MCFD2: variants seen among roughly 807,000 people sequenced by gnomAD.
The protein encoded by MCFD2 is multiple coagulation factor deficiency protein 2.
Under a neutral mutation model 12.8 loss-of-function variants are expected in MCFD2, and 11 were observed. The ratio of observed to expected loss-of-function variants is 0.86; its 90% CI spans 0.54 to 1.42. The LOEUF (loss-of-function observed/expected upper bound fraction) is 1.42, where lower values mean the gene tolerates loss of function less well. MCFD2 is among the 40% of genes most tolerant of loss of function. The pLI, the probability that MCFD2 is intolerant of heterozygous loss-of-function variation, is 0.00. For missense variants in MCFD2, 191 were observed against 178.6 expected (o/e 1.07, Z -0.40); for synonymous variants, 70 against 68.1 (o/e 1.03, Z -0.14).
In MCFD2 at chr2:46,921,963, G is replaced by A. The variant is rs1426581753; in HGVS notation, c.-7-13994C>T. ...TGTGCAGCTGACCCACACTAGTTGG[G>A]GGGTGAGGGCCCCTGTAAGAAATAA... On this transcript the variant is annotated intron_variant, in intron 1 of 2. Coordinates refer to the MCFD2 transcript ENST00000409147. Among the ~76,000 whole-genome samples the A allele has an allele frequency of 3.3e-5, 5 of 152,314 alleles. No individual in the cohort carries two copies. In the Middle Eastern group the frequency reaches 0.01, roughly 311 times the overall value.
chr2:46,938,773 G>T (rs2103868018), intron 1 of MCFD2, among the ~76,000 whole-genome samples: 2 of 152,268 alleles, frequency 1.3e-5, no homozygotes, highest in Middle Eastern at 3.4e-3. Flanking sequence ...CAGCACTTTG[G>T]GAGGCCAAGG....
chr2:46,913,297 C>G (rs1414417921), intron 1 of MCFD2, among the ~76,000 whole-genome samples: 1 of 152,100 alleles, frequency 6.6e-6, no homozygotes, highest in Non-Finnish European at 1.5e-5. Flanking sequence ...CCTGTAATCT[C>G]AATACTTTGA....
intron 3 of MCFD2, 32 bp from the exon 4 acceptor site, chr2:46,905,626 G>A (rs1177436668): frequency 3.7e-6 from 6 of 1,600,644 alleles, no homozygotes; most frequent in Admixed American, 3.4e-5. Context: ...ATGATGAGTT[G>A]CGCATTTTAC....
At chr2:46,917,229 A>C (rs1348089574), upstream of MCFD2, 2 of 701,112 alleles carry the variant, frequency 2.9e-6, no homozygotes, top group Admixed American at 4.0e-5. Flanking sequence ...TCCTGGGTTC[A>C]AGCAATCCTC....
chr2:46,916,747 A>C (rs185014694), upstream of MCFD2, among the ~76,000 whole-genome samples: 27 of 151,974 alleles, frequency 1.8e-4, 1 homozygote, highest in African/African-American at 6.0e-4. Flanking sequence ...CTCTTCTCCT[A>C]CCTCAGCCTC....
In MCFD2 at chr2:46,940,979, A is replaced by G. The variant is rs1670281651; in HGVS notation, c.-8+593T>C. Reference sequence around the variant, plus strand: ...CCGATGGGATGGGGAGGGGGCGGGAAGCGAGGCGCCCCCGGGCGCCGGGGC... The same window carrying G: ...CCGATGGGATGGGGAGGGGGCGGGAGGCGAGGCGCCCCCGGGCGCCGGGGC... On this transcript the variant is annotated intron_variant, in intron 1 of 2. Coordinates refer to the MCFD2 transcript ENST00000409147. The surrounding 1 kb of genome is among the most constrained non-coding windows in gnomAD (Gnocchi z 4.7). Among the ~76,000 whole-genome samples, 1 of 151,934 alleles carries G rather than the reference A, an allele frequency of 6.6e-6. No homozygotes were observed. The highest frequency in any genetic ancestry group is 6.5e-5 in the Admixed American group (1 of 15,274).
At chr2:46,927,074 A>C (rs969140435) in intron 1 of MCFD2, among the ~76,000 whole-genome samples, 4 of 152,206 alleles carry the variant, frequency 2.6e-5, no homozygotes, top group South Asian at 2.1e-4. Flanking sequence ...GAGAGACAAA[A>C]AGATAGAAAA....
chr2:46,931,692 T>TAATA (rs10524721), intron 1 of MCFD2, among the ~76,000 whole-genome samples: 14,784 of 148,518 alleles, frequency 0.1, 1,094 homozygotes, highest in African/African-American at 0.21. Flanking sequence ...AAACAGACAA[T>TAATA]AATAAATAAA....
rs1572609514 is a variant in MCFD2 at position 46,907,792 on chromosome 2, A to G, written c.309+18T>C. On this transcript the variant is annotated intron_variant, in intron 3 of 3. Transcript: ENST00000319466. This position sits in a 1 kb window ranked among gnomAD's most constrained non-coding sequence, Gnocchi z 4.1. Reference sequence around the variant, plus strand: ...AGCCTTTCTGTGATACAGTCCCCCAAGCCACTGCCAGACCTACCTCCTTAT... The same window carrying G: ...AGCCTTTCTGTGATACAGTCCCCCAGGCCACTGCCAGACCTACCTCCTTAT... 1 of 1,613,782 alleles carries G rather than the reference A, an allele frequency of 6.2e-7. No individual in the cohort carries two copies. Among genetic ancestry groups the G allele is most frequent in the East Asian group, 2.2e-5 (1 of 44,888 alleles).
chr2:46,908,451 A>G lies in MCFD2; in HGVS notation c.150-482T>C, dbSNP rs1239158065. 1 of 269,652 alleles carries G rather than the reference A, an allele frequency of 3.7e-6. No homozygotes were observed. Among genetic ancestry groups the G allele is most frequent in the Non-Finnish European group, 7.2e-6 (1 of 139,110 alleles). The allele number at this position is 269,652 out of a possible 1,614,324, so 16.7% of individuals were successfully genotyped here. The stretch of plus-strand genomic sequence containing the variant: ...AATTTTTTGCAATTTTTTAGTAGAG[A>G]CAGGTTTTCCCTATATTGCCTAGGC... On this transcript the variant is annotated intron_variant, in intron 2 of 3. Transcript: ENST00000319466. This position sits in a 1 kb window ranked among gnomAD's most constrained non-coding sequence, Gnocchi z 4.5.
At chr2:46,914,633 C>T (rs1668625978) in intron 1 of MCFD2, among the ~76,000 whole-genome samples, 1 of 152,206 alleles carries the variant, frequency 6.6e-6, no homozygotes, top group Non-Finnish European at 1.5e-5. Context: ...GAAGATAGTA[C>T]TATGACCTCG....
In MCFD2 at chr2:46,905,265, T is replaced by G. The variant is rs998827412; in HGVS notation, c.*198A>C. 4 of 631,022 alleles carry G rather than the reference T, an allele frequency of 6.3e-6. No homozygotes were observed. In the African/African-American group the frequency reaches 7.2e-5, roughly 11 times the overall value. The allele number at this position is 631,022 out of a possible 1,614,324, so 39.1% of individuals were successfully genotyped here. A position where few individuals can be genotyped will look rare whatever the true frequency, so the allele number is the denominator to read the frequency against. On this transcript the variant is annotated 3_prime_UTR_variant, in exon 4 of 4. Transcript: ENST00000319466. ...TGTCCAATAAGGTATTTAATAGCAC[T>G]TAGGGACTATTAGATGTCCCATTTC...
At chr2:46,922,807 A>C (rs1480291989) in intron 1 of MCFD2, among the ~76,000 whole-genome samples, 1 of 152,156 alleles carries the variant, frequency 6.6e-6, no homozygotes, top group Non-Finnish European at 1.5e-5. Flanking sequence ...GGAGGCCTCC[A>C]ATTCAATTCA....
At chr2:46,923,889 C>A (rs755139953) in intron 1 of MCFD2, among the ~76,000 whole-genome samples, 15 of 152,160 alleles carry the variant, frequency 9.9e-5, no homozygotes, top group Admixed American at 6.5e-4. Flanking sequence ...CCTGCCACCA[C>A]GCCCAGCTAA....
chr2:46,912,123 G>A (rs1405084698), intron 1 of MCFD2, among the ~76,000 whole-genome samples: 2 of 152,092 alleles, frequency 1.3e-5, no homozygotes, highest in African/African-American at 4.8e-5. Flanking sequence ...ATCACTTGAG[G>A]TCAGGAGTTT....
At chr2:46,921,110 C>T (rs1366717829) in intron 1 of MCFD2, among the ~76,000 whole-genome samples, 1 of 152,070 alleles carries the variant, frequency 6.6e-6, no homozygotes, top group Non-Finnish European at 1.5e-5. Flanking sequence ...AGGAACAAAG[C>T]AAGGATGTCC....
At chr2:46,905,918 G>A (rs1229749928) in intron 3 of MCFD2, 1 of 488,296 alleles carries the variant, frequency 2.0e-6, no homozygotes, top group Non-Finnish European at 4.2e-6. Context: ...TTTCATTATG[G>A]CTCATTCTTC....
rs1047119018 is a variant in MCFD2 at position 46,938,976 on chromosome 2, A to T, written c.-8+2596T>A. Among the ~76,000 whole-genome samples the T allele has an allele frequency of 1.5e-4, 23 of 150,222 alleles. No individual in the cohort carries two copies. In the Middle Eastern group the frequency reaches 0.01, roughly 68 times the overall value. The stretch of plus-strand genomic sequence containing the variant: ...TTGTGAGCTGAGATCGTGCCACTGC[A>T]TTCCAGCCTGGGCAACAGAGCGAGA... On this transcript the variant is annotated intron_variant, in intron 1 of 2. Transcript: ENST00000409147.
Position 46,908,130 on chromosome 2 carries a change from G to A in MCFD2, c.150-161C>T, listed in dbSNP as rs563767254. The A allele has an allele frequency of 4.0e-6, 3 of 748,152 alleles. No individual in the cohort carries two copies. In the South Asian group the frequency reaches 4.6e-5, roughly 11 times the overall value. 46.3% of individuals were successfully genotyped at this position (748,152 alleles called of 1,614,324 possible). A position where few individuals can be genotyped will look rare whatever the true frequency, so the allele number is the denominator to read the frequency against. On this transcript the variant is annotated intron_variant, in intron 2 of 3. Transcript: ENST00000319466. This position sits in a 1 kb window ranked among gnomAD's most constrained non-coding sequence, Gnocchi z 4.5. ...TCAAGGATTACACAGAGATAGACAAGGCCTTGAGAGGAGCAGGAAAAGTCA... is the reference window on the plus strand; with the variant it reads ...TCAAGGATTACACAGAGATAGACAAAGCCTTGAGAGGAGCAGGAAAAGTCA...
Sources: allele counts gnomAD v4.1 joint callset (sites outside exome capture counted in the v4.1 genomes callset), GRCh38; gene constraint gnomAD v4.1.1; non-coding constraint Gnocchi (gnomAD v3.1); transcripts MANE v1.5; gene names NCBI Gene and HGNC (gene_info 2026-07-23, HGNC 2026-07-21).